The following PGLYRP2 variants were observed in gnomAD, a reference collection of about 807,000 sequenced individuals.
PGLYRP2 encodes N-acetylmuramoyl-L-alanine amidase.
Under a neutral mutation model 46.2 loss-of-function variants are expected in PGLYRP2, and 38 were observed. The ratio of observed to expected loss-of-function variants is 0.82; its 90% CI spans 0.64 to 1.08. PGLYRP2 has a LOEUF of 1.08. Among genes scored for constraint, PGLYRP2 ranks in the 50% least tolerant of loss-of-function variants. The probability of loss-of-function intolerance (pLI) is 0.00; values close to 1 mark genes in which losing one functional copy is unlikely to be tolerated. For synonymous variants in PGLYRP2, 289 were observed against 329.4 expected (o/e 0.88, Z 1.33); for missense variants, 713 against 755.9 (o/e 0.94, Z 0.67).
intron 3 of PGLYRP2, among the ~76,000 whole-genome samples, chr19:15,470,923 C>T (rs1970742511): frequency 6.6e-6 from 1 of 152,040 alleles, no homozygotes; most frequent in African/African-American, 2.4e-5. Flanking sequence ...GGATTACAGG[C>T]GTTAGCCACC....
chr19:15,475,653 G>A lies in PGLYRP2; in HGVS notation c.1017C>T (p.Thr339=), dbSNP rs1970786925. The change falls in exon 2 of 5, where the codon ACC becomes ACT. Residue 339 remains threonine, a synonymous_variant. Coordinates refer to ENST00000340880, the MANE Select transcript of PGLYRP2 (RefSeq NM_052890.4). Reference sequence around the variant, plus strand: ...GCTCCAGCCTCTGTAGAAGGACAAGGGTTCCCCACACCTGCTGGGCCAGGA... The same window carrying A: ...GCTCCAGCCTCTGTAGAAGGACAAGAGTTCCCCACACCTGCTGGGCCAGGA... ...ASILAQQVWG[T]LVLLQRLEPV... is the part of the protein sequence containing the mutation. The A allele has an allele frequency of 5.0e-6, 8 of 1,614,052 alleles. No individual in the cohort carries two copies. Among genetic ancestry groups the A allele is most frequent in the South Asian group, 3.3e-5 (3 of 91,092 alleles).
rs973814822 is a variant in PGLYRP2, at chr19:15,479,171, A to G, written c.61+140T>C. The G allele has an allele frequency of 5.8e-6, 5 of 857,842 alleles. No individual in the cohort carries two copies. The Admixed American group carries it at 8.8e-5, about 15-fold the overall frequency. 53.1% of individuals were successfully genotyped at this position (857,842 alleles called of 1,614,324 possible). A position where few individuals can be genotyped will look rare whatever the true frequency, so the allele number is the denominator to read the frequency against. ...GCCTTGACTCTGTGGAGCTGGGAAT[A>G]TCTATGTCCCCATGCTGGAGCTTCT... On this transcript the variant is annotated intron_variant, in intron 1 of 4. Transcript: ENST00000340880.
intron 1 of PGLYRP2, 94 bp downstream of exon 1, chr19:15,479,217 C>T: frequency 7.5e-7 from 1 of 1,325,930 alleles, no homozygotes; most frequent in Non-Finnish European, 1.1e-6. Context: ...GAGTCTCCAG[C>T]CTCACTCCAT....
chr19:15,472,719 G>C (rs1419056714), intron 2 of PGLYRP2, among the ~76,000 whole-genome samples: 1 of 152,160 alleles, frequency 6.6e-6, no homozygotes, highest in Non-Finnish European at 1.5e-5. Flanking sequence ...GGGCAACATA[G>C]TGAGACCTCA....
At chr19:15,472,318 A>AAT (rs1363172729) in intron 2 of PGLYRP2, among the ~76,000 whole-genome samples, 7 of 151,678 alleles carry the variant, frequency 4.6e-5, no homozygotes, top group African/African-American at 1.7e-4. Context: ...GGCCGGACGT[A>AAT]GTGGGTCTCA....
intron 2 of PGLYRP2, among the ~76,000 whole-genome samples, chr19:15,472,611 G>A (rs1028323272): frequency 7.3e-5 from 11 of 151,682 alleles, no homozygotes; most frequent in Non-Finnish European, 1.3e-4. Flanking sequence ...AAAAATTGGA[G>A]GTGGGGGCAG....
Position 15,476,561 on chromosome 19 carries a change from G to A in PGLYRP2, c.109C>T (p.Leu37=), listed in dbSNP as rs772890545. 1 of 1,612,620 alleles carries A rather than the reference G, an allele frequency of 6.2e-7. No homozygotes were observed. The highest frequency in any genetic ancestry group is 1.1e-5 in the South Asian group (1 of 90,814). ...TTGGCAGCTGGCACTTTCTGCTCCA[G>A]CTCAGCCAGGGCCTGGATGACAGAG... The part of the protein sequence containing the change: ...MDSVIQALAE[L]EQKVPAAKTR... Residue 37 remains leucine, a synonymous_variant, in exon 2 of 5, where the codon CTG becomes TTG. Coordinates refer to ENST00000340880, the MANE Select transcript of PGLYRP2 (RefSeq NM_052890.4).
intron 2 of PGLYRP2, among the ~76,000 whole-genome samples, chr19:15,474,770 C>T (rs967271434): frequency 2.6e-5 from 4 of 151,984 alleles, no homozygotes; most frequent in South Asian, 2.1e-4. Flanking sequence ...GGGTGGATCA[C>T]GAGGTCAGGA....
chr19:15,476,685 T>A (rs1970801253), intron 1 of PGLYRP2, 77 bp from the exon 2 acceptor site: 16 of 1,233,454 alleles, frequency 1.3e-5, no homozygotes, highest in Non-Finnish European at 1.7e-5. Flanking sequence ...ATCTACCCAA[T>A]GCTCCCAGCC....
rs772542983 is a variant in PGLYRP2, at chr19:15,479,361, C to A, written c.11G>T (p.Gly4Val). The A allele has an allele frequency of 1.3e-5, 21 of 1,613,922 alleles. No individual in the cohort carries two copies. The Admixed American group carries it at 2.0e-4, about 15-fold the overall frequency. Residue 4 changes from glycine to valine, a missense_variant, in exon 1 of 5, where the codon GGT becomes GTT. Transcript: ENST00000340880. ...CAATCCGAGTAGGATCCAGAGGACA[C>A]CCTGGGCCATTGTTGCAGGATTCCA... is the stretch of plus-strand genomic sequence containing the variant. MAQGVLWILLGLLL... is the reference protein window; with the variant it reads MAQVVLWILLGLLL...
chr19:15,475,412 CA>C (rs1970783974), intron 2 of PGLYRP2, 125 bp downstream of exon 2: 1 of 915,512 alleles, frequency 1.1e-6, no homozygotes, highest in African/African-American at 1.7e-5. Context: ...CTGTCCCACC[CA>C]CCCCCGACCA....
chr19:15,477,527 G>A (rs374390667), intron 1 of PGLYRP2, among the ~76,000 whole-genome samples: 4 of 151,044 alleles, frequency 2.6e-5, no homozygotes, highest in East Asian at 3.9e-4. Flanking sequence ...GCGAGACTCC[G>A]TCACTACTAA....
In PGLYRP2 at chr19:15,468,724, A is replaced by T; in HGVS notation, c.1670T>A (p.Val557Asp). Residue 557 changes from valine (V) to aspartate (D), a missense_variant, in exon 5 of 5, where the codon GTC becomes GAC. By Grantham distance (152) the Val-to-Asp change is radical. Coordinates refer to ENST00000340880, the MANE Select transcript of PGLYRP2 (RefSeq NM_052890.4). ...ATVKPRPARS[V>D]SKRSRREPPP... ...TGGCTCCCTCCTGGATCTCTTAGAGACACTCCTGGCAGGTCTTGGCTTAAC... is the reference window on the plus strand; with the variant it reads ...TGGCTCCCTCCTGGATCTCTTAGAGTCACTCCTGGCAGGTCTTGGCTTAAC... The T allele has an allele frequency of 6.2e-7, 1 of 1,612,494 alleles. No homozygotes were observed. Among genetic ancestry groups the T allele is most frequent in the Non-Finnish European group, 8.5e-7 (1 of 1,179,342 alleles).
At chr19:15,474,468 C>T (rs1970776803) in intron 2 of PGLYRP2, among the ~76,000 whole-genome samples, 1 of 152,180 alleles carries the variant, frequency 6.6e-6, no homozygotes, top group South Asian at 2.1e-4. Context: ...TACCTGCATT[C>T]ACATGTTGAT....
chr19:15,469,275 T>G lies in PGLYRP2; in HGVS notation c.1641+357A>C. 1 of 606,938 alleles carries G rather than the reference T, an allele frequency of 1.6e-6. No homozygotes were observed. Among genetic ancestry groups the G allele is most frequent in the Non-Finnish European group, 3.0e-6 (1 of 337,848 alleles). The allele number at this position is 606,938 out of a possible 1,614,324, so 37.6% of individuals were successfully genotyped here. On this transcript the variant is annotated intron_variant, in intron 4 of 4. Coordinates refer to ENST00000340880, the MANE Select transcript of PGLYRP2 (RefSeq NM_052890.4). This position sits in a 1 kb window ranked among gnomAD's most constrained non-coding sequence, Gnocchi z 4.9. ...GCAGCCTGACAGGTTGTGACTTGGG[T>G]AGAGAAGTCATGAAGGCCAGGCTGA...
rs950979196 is a variant in PGLYRP2, at chr19:15,475,877, C to G, written c.793G>C (p.Ala265Pro). ...AGGAAGGCCATGGTTAACAGAGATG[C>G]CTTGGGGTCCAAAAGCGTAAAGGTC... The part of the protein sequence containing the change: ...PRTFTLLDPK[A>P]SLLTMAFLNG... Residue 265 changes from alanine to proline, a missense_variant, in exon 2 of 5, where the codon GCA becomes CCA. Transcript: ENST00000340880. 1 of 1,613,922 alleles carries G rather than the reference C, an allele frequency of 6.2e-7. No individual in the cohort carries two copies. The highest frequency in any genetic ancestry group is 8.5e-7 in the Non-Finnish European group (1 of 1,180,016).
chr19:15,468,921 T>A, intron 4 of PGLYRP2, 169 bp from the exon 5 acceptor site: 1 of 558,082 alleles, frequency 1.8e-6, no homozygotes. Flanking sequence ...AATAGCTTAA[T>A]GAAATGGAGT....
rs762832200 is a variant in PGLYRP2, at chr19:15,479,292, A to T, written c.61+19T>A. The stretch of plus-strand genomic sequence containing the variant: ...CAGAGCCAAGAGGTTTGGTCCCAGG[A>T]CTCTGCCCCCTGACTCACCTGTCCC... On this transcript the variant is annotated intron_variant, in intron 1 of 4. Transcript: ENST00000340880. The T allele has an allele frequency of 1.2e-6, 2 of 1,613,578 alleles. No homozygotes were observed. The highest frequency in any genetic ancestry group is 4.5e-5 in the East Asian group (2 of 44,864).
At position 15,474,368 on chromosome 19, in the gene PGLYRP2, A is replaced by T. The variant is rs1018708831; in HGVS notation, c.1132+1170T>A. Among the ~76,000 whole-genome samples the T allele has an allele frequency of 3.9e-5, 6 of 152,212 alleles. No individual in the cohort carries two copies. In the East Asian group the frequency reaches 5.8e-4, roughly 15 times the overall value. Reference sequence around the variant, plus strand: ...AAAACAAAACAAAACAAAACAAAAAAAATAATAATAAATTGGAACTATCAT... The same window carrying T: ...AAAACAAAACAAAACAAAACAAAAATAATAATAATAAATTGGAACTATCAT... On this transcript the variant is annotated intron_variant, in intron 2 of 4. Transcript: ENST00000340880.
Sources: allele counts gnomAD v4.1 joint callset (sites outside exome capture counted in the v4.1 genomes callset), GRCh38; gene constraint gnomAD v4.1.1; non-coding constraint Gnocchi (gnomAD v3.1); transcripts MANE v1.5; gene names NCBI Gene and HGNC (gene_info 2026-07-23, HGNC 2026-07-21).